The following NOS1 variants were observed in gnomAD, a reference collection of about 807,000 sequenced individuals.
NOS1 encodes the protein nitric oxide synthase 1, also known as NOS type I.
A neutral mutation model predicts 164.5 loss-of-function variants in NOS1; 51 were observed. That is an observed-to-expected ratio of 0.31 (90% CI 0.25 to 0.39). NOS1 has a LOEUF of 0.39. Ranked by LOEUF, NOS1 falls within the 10% of genes least tolerant of loss-of-function variation. The pLI is 1.00. For synonymous variants in NOS1, 719 were observed against 745.8 expected, an observed-to-expected ratio of 0.96 and a Z score of 0.59; for missense variants, 1,362 against 1,885.6, an observed-to-expected ratio of 0.72 and a Z score of 5.14.
At chr12:117,263,219 ATGAATGAATGAGTAAAT>A (rs372751270) in intron 13 of NOS1, among the ~76,000 whole-genome samples, 89 of 52,928 alleles carry the variant, frequency 1.7e-3, no homozygotes, top group African/African-American at 2.7e-3. Flanking sequence ...CAACTAATGA[ATGAATGAATGAGTAAAT>A]GAATGAATGA....
intron 2 of NOS1, among the ~76,000 whole-genome samples, chr12:117,317,784 T>C (rs1213631934): frequency 2.6e-5 from 4 of 152,088 alleles, no homozygotes; most frequent in Non-Finnish European, 5.9e-5. Context: ...AGCTTGGCAT[T>C]GTGGTGGCCA....
chr12:117,277,097 C>T (rs1002788553), intron 9 of NOS1, among the ~76,000 whole-genome samples: 2 of 152,080 alleles, frequency 1.3e-5, no homozygotes, highest in Non-Finnish European at 2.9e-5. Context: ...TTTACATTGC[C>T]ACCAACAGTG....
chr12:117,278,296 G>C lies in NOS1; in HGVS notation c.1525-198C>G, dbSNP rs41417246. 1.5e-3 allele frequency among the ~76,000 whole-genome samples: 224 copies of C among 152,326 alleles called. 1 individual carries two copies. The highest frequency in any genetic ancestry group is 5.0e-3 in the African/African-American group (207 of 41,578). Reference sequence around the variant, plus strand: ...CACCATGTATTAGGTTGGTGCAAAAGTAATTGCGGGTTTTGCCATTACTTT... The same window carrying C: ...CACCATGTATTAGGTTGGTGCAAAACTAATTGCGGGTTTTGCCATTACTTT... On this transcript the variant is annotated intron_variant, in intron 8 of 28. Transcript: ENST00000317775.
chr12:117,247,100 A>G (rs1592947778), intron 18 of NOS1, among the ~76,000 whole-genome samples: 4 of 151,898 alleles, frequency 2.6e-5, no homozygotes, highest in Admixed American at 2.6e-4. Context: ...ACATTCCAAG[A>G]CTCTATATAA....
chr12:117,336,485 C>G (rs1350226941), intron 1 of NOS1, among the ~76,000 whole-genome samples: 1 of 152,138 alleles, frequency 6.6e-6, no homozygotes, highest in Non-Finnish European at 1.5e-5. Flanking sequence ...TGGACTGTGG[C>G]AGGTTCAGTT....
chr12:117,267,892 A>G (rs1872538449), intron 11 of NOS1, 151 bp downstream of exon 11: 1 of 595,800 alleles, frequency 1.7e-6, no homozygotes, highest in Non-Finnish European at 3.0e-6. Flanking sequence ...AGAGGAGGGC[A>G]TGCAGGATGG....
chr12:117,310,916 A>T (rs1193908747), intron 3 of NOS1, among the ~76,000 whole-genome samples: 5 of 151,994 alleles, frequency 3.3e-5, no homozygotes, highest in African/African-American at 1.2e-4. Context: ...CCCAGGCTGG[A>T]GTGCAGTGGT....
intron 6 of NOS1, among the ~76,000 whole-genome samples, chr12:117,285,746 C>T (rs760780502): frequency 1.4e-4 from 22 of 152,100 alleles, no homozygotes; most frequent in Non-Finnish European, 2.6e-4. Flanking sequence ...AAAATAAAAT[C>T]GTAACCAAGG....
At chr12:117,240,725 T>A (rs948346727) in intron 20 of NOS1, among the ~76,000 whole-genome samples, 1 of 152,152 alleles carries the variant, frequency 6.6e-6, no homozygotes, top group African/African-American at 2.4e-5. Context: ...ACATTAGCAA[T>A]CTTCAGAGCT....
intron 16 of NOS1, chr12:117,256,011 G>A: frequency 6.8e-7 from 1 of 1,464,674 alleles, no homozygotes; most frequent in Non-Finnish European, 9.0e-7. Context: ...CCCTTTACGG[G>A]GAAAGAAACG....
At chr12:117,296,547 A>G (rs1367140973) in intron 3 of NOS1, among the ~76,000 whole-genome samples, 1 of 152,206 alleles carries the variant, frequency 6.6e-6, no homozygotes, top group East Asian at 1.9e-4. Context: ...TTGGACTCCA[A>G]GTTCTTTAGC....
Position 117,356,667 on chromosome 12 carries a change from C to T in NOS1, c.-421+4845G>A, listed in dbSNP as rs1408988319. Among the ~76,000 whole-genome samples, 2 of 152,226 alleles carry T rather than the reference C, an allele frequency of 1.3e-5. No homozygotes were observed. Among genetic ancestry groups the T allele is most frequent in the Admixed American group, 6.5e-5 (1 of 15,288 alleles). On this transcript the variant is annotated intron_variant, in intron 1 of 28. Transcript: ENST00000317775. This position sits in a 1 kb window ranked among gnomAD's most constrained non-coding sequence, Gnocchi z 4.2. ...CTGACGTCTGCTGCCGAACAGCCCA[C>T]GATAACTGCTGTTCATCCTTAGCAT...
chr12:117,330,962 G>A lies in NOS1; in HGVS notation c.108C>T (p.Val36=). ...GGLGFLVKER[V]SKPPVIISDL... is the part of the protein sequence containing the mutation. ...CAGAGATGATCACGGGCGGCTTACT[G>A]ACCCGCTCCTTCACCAGAAATCCCA... The change falls in exon 2 of 29, where the codon GTC becomes GTT. Residue 36 remains valine, a synonymous_variant. Coordinates refer to ENST00000317775, the MANE Select transcript of NOS1 (RefSeq NM_000620.5). This position sits in a 1 kb window ranked among gnomAD's most constrained non-coding sequence, Gnocchi z 4.6. 1.2e-6 allele frequency: 2 copies of A among 1,614,188 alleles called. No individual in the cohort carries two copies.
intron 8 of NOS1, among the ~76,000 whole-genome samples, 153 bp from the exon 9 acceptor site, chr12:117,278,251 T>C (rs949252764): frequency 2.0e-5 from 3 of 152,206 alleles, no homozygotes; most frequent in African/African-American, 7.2e-5. Context: ...TCACCTGCTT[T>C]ATAGAGTTCT....
At chr12:117,229,562 T>TTCTTTCTA (rs1555248791) in intron 22 of NOS1, among the ~76,000 whole-genome samples, 1 of 149,284 alleles carries the variant, frequency 6.7e-6, no homozygotes, top group Non-Finnish European at 1.5e-5. Context: ...TATCAAATTC[T>TTCTTTCTA]TCTATCTATC....
At chr12:117,250,757 G>A (rs1433697230) in intron 17 of NOS1, among the ~76,000 whole-genome samples, 1 of 152,132 alleles carries the variant, frequency 6.6e-6, no homozygotes, top group East Asian at 1.9e-4. Context: ...GACAGGAAAG[G>A]GAAACCCTAC....
At chr12:117,268,799 G>A (rs373716955) in intron 10 of NOS1, among the ~76,000 whole-genome samples, 7 of 148,224 alleles carry the variant, frequency 4.7e-5, no homozygotes, top group African/African-American at 1.2e-4. Context: ...GGGTTTCACC[G>A]TGTTAGCCAG....
intron 1 of NOS1, among the ~76,000 whole-genome samples, chr12:117,341,570 G>A (rs570056724): frequency 5.3e-5 from 8 of 152,286 alleles, no homozygotes; most frequent in Non-Finnish European, 1.0e-4. Context: ...TTCAGAGTTT[G>A]GGGCTAAGGT....
At chr12:117,298,811 G>A (rs9658310) in intron 3 of NOS1, among the ~76,000 whole-genome samples, 46 of 152,330 alleles carry the variant, frequency 3.0e-4, no homozygotes, top group Non-Finnish European at 4.9e-4. Flanking sequence ...CCAGAACTGT[G>A]AGGCAATCCA....
Sources: allele counts gnomAD v4.1 joint callset (sites outside exome capture counted in the v4.1 genomes callset), GRCh38; gene constraint gnomAD v4.1.1; non-coding constraint Gnocchi (gnomAD v3.1); transcripts MANE v1.5; gene names NCBI Gene and HGNC (gene_info 2026-07-23, HGNC 2026-07-21).